The following PARD3B variants were observed in gnomAD, a reference collection of about 807,000 sequenced individuals.
The protein encoded by PARD3B is par-3 family cell polarity regulator beta.
Under a neutral mutation model 130.2 loss-of-function variants are expected in PARD3B, and 103 were observed. The observed-to-expected ratio is 0.79, with a 90% confidence interval of 0.67 to 0.93. The LOEUF (loss-of-function observed/expected upper bound fraction) is 0.93, where lower values mean the gene tolerates loss of function less well. Among genes scored for constraint, PARD3B ranks in the 40% least tolerant of loss-of-function variants. PARD3B has a pLI of 0.00. For synonymous variants in PARD3B, 583 were observed against 553.2 expected (o/e 1.05, Z -0.76); for missense variants, 1,609 against 1,499.2 (o/e 1.07, Z -1.21).
In PARD3B at chr2:205,407,806, A is replaced by G. The variant is rs1409844032; in HGVS notation, c.2741+6683A>G. On this transcript the variant is annotated intron_variant, in intron 19 of 22. Transcript: ENST00000406610. The surrounding 1 kb of genome is among the most constrained non-coding windows in gnomAD (Gnocchi z 4.1). ...TCAGTAAATGAAGTTTTCTCCTAAAATTGAAAAAAAAATTTTAATAACATG... is the reference window on the plus strand; with the variant it reads ...TCAGTAAATGAAGTTTTCTCCTAAAGTTGAAAAAAAAATTTTAATAACATG... 1.3e-5 allele frequency among the ~76,000 whole-genome samples: 2 copies of G among 152,106 alleles called. No homozygotes were observed. Among genetic ancestry groups the G allele is most frequent in the African/African-American group, 2.4e-5 (1 of 41,420 alleles).
chr2:204,853,296 G>T (rs2044784962), intron 2 of PARD3B, among the ~76,000 whole-genome samples: 1 of 152,040 alleles, frequency 6.6e-6, no homozygotes, highest in South Asian at 2.1e-4. Context: ...TAAAATAGAG[G>T]ACATCTCACT....
At chr2:204,986,638 G>A (rs1693183572) in intron 3 of PARD3B, among the ~76,000 whole-genome samples, 2 of 152,188 alleles carry the variant, frequency 1.3e-5, no homozygotes, top group South Asian at 4.1e-4. Context: ...TTTCACAGAT[G>A]AGGATTGTTC....
At chr2:205,136,297 C>A (rs1030067359) in intron 10 of PARD3B, among the ~76,000 whole-genome samples, 11 of 152,164 alleles carry the variant, frequency 7.2e-5, no homozygotes, top group Non-Finnish European at 7.3e-5. Context: ...CTAAGTAACA[C>A]TCTATGTGTT....
chr2:204,547,205 C>G (rs1028545815), intron 1 of PARD3B, among the ~76,000 whole-genome samples: 1 of 152,158 alleles, frequency 6.6e-6, no homozygotes, highest in Non-Finnish European at 1.5e-5. Context: ...TTGTTTCTTA[C>G]AAGTGTATAG....
chr2:204,869,593 A>T (rs1049202158), intron 2 of PARD3B, among the ~76,000 whole-genome samples: 4 of 152,184 alleles, frequency 2.6e-5, no homozygotes, highest in African/African-American at 9.6e-5. Context: ...AAATATTTCA[A>T]TGACTTCTTT....
intron 15 of PARD3B, among the ~76,000 whole-genome samples, chr2:205,218,864 G>A (rs1211150440): frequency 6.6e-6 from 1 of 152,142 alleles, no homozygotes; most frequent in Non-Finnish European, 1.5e-5. Flanking sequence ...CAGATCACCT[G>A]AGGTCAGGAA....
chr2:205,350,657 A>G lies in PARD3B; in HGVS notation c.2630+48956A>G, dbSNP rs373054680. On this transcript the variant is annotated intron_variant, in intron 18 of 22. Coordinates refer to ENST00000406610, the MANE Select transcript of PARD3B (RefSeq NM_001302769.2). ...TTAATCATATTTTTATGGTACCTTAATAGCCGAGGCAAAGTCACAGGTGGC... is the reference window on the plus strand; with the variant it reads ...TTAATCATATTTTTATGGTACCTTAGTAGCCGAGGCAAAGTCACAGGTGGC... 1.7e-4 allele frequency among the ~76,000 whole-genome samples: 26 copies of G among 152,250 alleles called. No individual in the cohort carries two copies. In the East Asian group the frequency reaches 4.1e-3, roughly 24 times the overall value.
chr2:204,823,366 C>T (rs1351822117), intron 2 of PARD3B, among the ~76,000 whole-genome samples: 2 of 151,598 alleles, frequency 1.3e-5, no homozygotes, highest in East Asian at 3.9e-4. Context: ...ATAATGCTCT[C>T]ATTTTCAATA....
chr2:204,929,684 G>A (rs1687884024), intron 2 of PARD3B, among the ~76,000 whole-genome samples: 1 of 151,124 alleles, frequency 6.6e-6, no homozygotes, highest in Admixed American at 6.6e-5. Flanking sequence ...TTTTATAAAT[G>A]TGTTGGTTCT....
At chr2:204,815,405 C>T (rs376337214) in intron 2 of PARD3B, among the ~76,000 whole-genome samples, 5 of 151,636 alleles carry the variant, frequency 3.3e-5, no homozygotes, top group East Asian at 3.9e-4. Context: ...AATTTTTGTC[C>T]GAATTTGTGT....
chr2:205,449,390 C>T (rs2048021468), intron 20 of PARD3B, among the ~76,000 whole-genome samples: 2 of 151,652 alleles, frequency 1.3e-5, no homozygotes, highest in Admixed American at 1.3e-4. Flanking sequence ...CCACCACGCC[C>T]AGCTAATTTT....
At chr2:205,114,479 G>GGAATCC (rs1703884495) in intron 6 of PARD3B, among the ~76,000 whole-genome samples, 1 of 93,730 alleles carries the variant, frequency 1.1e-5, no homozygotes, top group African/African-American at 3.3e-5. Flanking sequence ...TTGAAAAGGG[G>GGAATCC]GGATTCCTTA....
chr2:205,188,815 C>T (rs1227771154), intron 14 of PARD3B, among the ~76,000 whole-genome samples: 1 of 148,878 alleles, frequency 6.7e-6, no homozygotes, highest in Non-Finnish European at 1.5e-5. Context: ...GAAAAGCCCT[C>T]TCAAAGGAAA....
chr2:204,554,815 G>C (rs2030804316), intron 1 of PARD3B, among the ~76,000 whole-genome samples: 1 of 152,168 alleles, frequency 6.6e-6, no homozygotes, highest in Non-Finnish European at 1.5e-5. Flanking sequence ...TGCAGAAAAA[G>C]TTAATGTAGC....
chr2:204,727,682 C>T (rs927846201), intron 2 of PARD3B, among the ~76,000 whole-genome samples: 4 of 152,156 alleles, frequency 2.6e-5, no homozygotes, highest in African/African-American at 9.7e-5. Context: ...TGGCTGAATA[C>T]ACGTATTTAA....
intron 1 of PARD3B, among the ~76,000 whole-genome samples, chr2:204,584,239 G>A (rs1263794006): frequency 6.6e-6 from 1 of 152,202 alleles, no homozygotes; most frequent in African/African-American, 2.4e-5. Context: ...CCAGACCTTG[G>A]ATCAGGTCTT....
intron 3 of PARD3B, among the ~76,000 whole-genome samples, chr2:204,968,221 T>C (rs146211785): frequency 1.8e-4 from 28 of 152,338 alleles, no homozygotes; most frequent in African/African-American, 6.7e-4. Context: ...ATATTAGGAA[T>C]CAAGAGATTT....
intron 2 of PARD3B, among the ~76,000 whole-genome samples, chr2:204,722,400 G>A (rs1371104526): frequency 6.6e-6 from 1 of 152,184 alleles, no homozygotes; most frequent in Non-Finnish European, 1.5e-5. Flanking sequence ...GGCAGTGACA[G>A]TGTCTTGGAT....
At chr2:205,431,204 G>C (rs1421508679) in intron 19 of PARD3B, among the ~76,000 whole-genome samples, 1 of 152,218 alleles carries the variant, frequency 6.6e-6, no homozygotes, top group African/African-American at 2.4e-5. Flanking sequence ...AGCCTCCCAA[G>C]TAGCTGGGAT....
Sources: gnomAD v4.1 joint callset for allele counts (sites outside exome capture counted in the v4.1 genomes callset) on GRCh38, gnomAD v4.1.1 for gene constraint, Gnocchi (gnomAD v3.1) non-coding constraint, MANE v1.5 for transcripts, NCBI Gene and HGNC (gene_info 2026-07-23, HGNC 2026-07-21) for gene names.